The following STARD3 variants were observed in gnomAD, a reference collection of about 807,000 sequenced individuals.
The protein encoded by STARD3 is StAR related lipid transfer domain containing 3.
Under a neutral mutation model 62.0 loss-of-function variants are expected in STARD3, and 39 were observed. The ratio of observed to expected loss-of-function variants is 0.63; its 90% CI spans 0.49 to 0.82. The LOEUF is 0.82. Ranked by LOEUF, STARD3 falls within the 40% of genes least tolerant of loss-of-function variation. The probability of loss-of-function intolerance (pLI) is 0.00; values close to 1 mark genes in which losing one functional copy is unlikely to be tolerated. For missense variants in STARD3, 543 were observed against 584.5 expected, an observed-to-expected ratio of 0.93 and a Z score of 0.73; for synonymous variants, 229 against 242.4, an observed-to-expected ratio of 0.94 and a Z score of 0.51.
Position 39,660,694 on chromosome 17 carries a change from G to T in STARD3, c.955-116G>T. On this transcript the variant is annotated intron_variant, in intron 11 of 14. Transcript: ENST00000336308. The surrounding 1 kb of genome is among the most constrained non-coding windows in gnomAD (Gnocchi z 4.8). ...GGAGGGCAGGAGGAGTGCTCATCAG[G>T]CGCTGCCCAGGGCCTGCCTGTGGCA... 1 of 1,383,290 alleles carries T rather than the reference G, an allele frequency of 7.2e-7. No individual in the cohort carries two copies. Among genetic ancestry groups the T allele is most frequent in the Non-Finnish European group, 1.0e-6 (1 of 996,732 alleles). 85.7% of individuals were successfully genotyped at this position (1,383,290 alleles called of 1,614,324 possible). A position where few individuals can be genotyped will look rare whatever the true frequency, so the allele number is the denominator to read the frequency against.
intron 14 of STARD3, 162 bp from the exon 15 acceptor site, chr17:39,662,642 G>A: frequency 1.4e-6 from 1 of 697,952 alleles, no homozygotes; most frequent in Non-Finnish European, 2.4e-6. Context: ...GCCAGGCCCA[G>A]CATGTTCTTC....
Position 39,659,457 on chromosome 17 carries a change from C to G in STARD3, c.703-4C>G. On this transcript the variant is annotated splice_region_variant and splice_polypyrimidine_tract_variant and intron_variant, in intron 8 of 14. Coordinates refer to ENST00000336308, the MANE Select transcript of STARD3 (RefSeq NM_006804.4). ...ACCCCTCCCTGCCTCCTGCTTCCGT[C>G]CAGGAGCGGGAGTACATCCGCCAGG... The G allele has an allele frequency of 6.2e-7, 1 of 1,613,948 alleles. No homozygotes were observed. The highest frequency in any genetic ancestry group is 8.5e-7 in the Non-Finnish European group (1 of 1,179,902).
At chr17:39,655,040 T>G (rs1054605249) in intron 2 of STARD3, among the ~76,000 whole-genome samples, 1 of 152,240 alleles carries the variant, frequency 6.6e-6, no homozygotes, top group Non-Finnish European at 1.5e-5. Context: ...GCTCAGGACC[T>G]TCTGCAGAGC....
chr17:39,651,888 G>A (rs2057081483), intron 1 of STARD3: 1 of 152,266 alleles, frequency 6.6e-6, no homozygotes, highest in African/African-American at 2.4e-5. Flanking sequence ...CTTTCAGTGG[G>A]ACCTTTCCTT....
chr17:39,660,746 T>TAGCA lies in STARD3; in HGVS notation c.955-64_955-63insAGCA, dbSNP rs2057187699. ...TAGCAGTTAGTAAAGGGGCCTGGGG[T>TAGCA]GTTCCCATCCCTGGGGTTTTCCTGG... On this transcript the variant is annotated intron_variant, in intron 11 of 14. Coordinates refer to ENST00000336308, the MANE Select transcript of STARD3 (RefSeq NM_006804.4). The surrounding 1 kb of genome is among the most constrained non-coding windows in gnomAD (Gnocchi z 4.8). The TAGCA allele has an allele frequency of 6.6e-7, 1 of 1,523,400 alleles. No individual in the cohort carries two copies. The highest frequency in any genetic ancestry group is 2.0e-5 in the Admixed American group (1 of 50,292). 94.4% of individuals were successfully genotyped at this position (1,523,400 alleles called of 1,614,324 possible). A position where few individuals can be genotyped will look rare whatever the true frequency, so the allele number is the denominator to read the frequency against.
Position 39,660,581 on chromosome 17 carries a change from A to C in STARD3, c.954+55A>C. The C allele has an allele frequency of 6.3e-7, 1 of 1,585,922 alleles. No individual in the cohort carries two copies. Among genetic ancestry groups the C allele is most frequent in the Non-Finnish European group, 8.7e-7 (1 of 1,155,470 alleles). ...ACAGATGGGGGCACAGCCACGCCTC[A>C]GTGGGATCACTGAAGCACTCAGCGC... is the stretch of plus-strand genomic sequence containing the variant. On this transcript the variant is annotated intron_variant, in intron 11 of 14. Coordinates refer to ENST00000336308, the MANE Select transcript of STARD3 (RefSeq NM_006804.4). This position sits in a 1 kb window ranked among gnomAD's most constrained non-coding sequence, Gnocchi z 4.8.
Position 39,660,181 on chromosome 17 carries a change from C to T in STARD3, c.796-30C>T, listed in dbSNP as rs556161731. ...CCAGCCCACCCCCTGCCTCCACTCT[C>T]CTCCCTGCCACCTTCTGTCCCTGCC... On this transcript the variant is annotated intron_variant, in intron 9 of 14. Transcript: ENST00000336308. This position sits in a 1 kb window ranked among gnomAD's most constrained non-coding sequence, Gnocchi z 4.8. 5.0e-6 allele frequency: 8 copies of T among 1,613,140 alleles called. No homozygotes were observed. The South Asian group carries it at 5.5e-5, about 11-fold the overall frequency.
chr17:39,655,189 G>A (rs1012437210), intron 2 of STARD3, among the ~76,000 whole-genome samples: 5 of 152,102 alleles, frequency 3.3e-5, no homozygotes, highest in African/African-American at 9.7e-5. Context: ...TTTTACTTTC[G>A]TTTTGTTTTG....
intron 3 of STARD3, 83 bp from the exon 4 acceptor site, chr17:39,657,692 G>A (rs2145014145): frequency 6.7e-7 from 1 of 1,482,644 alleles, no homozygotes; most frequent in South Asian, 1.1e-5. Context: ...GGAACGTGGG[G>A]GCAGGACCAG....
At chr17:39,642,400 C>T (rs1597787368) in intron 1 of STARD3, among the ~76,000 whole-genome samples, 4 of 152,290 alleles carry the variant, frequency 2.6e-5, no homozygotes, top group South Asian at 4.1e-4. Flanking sequence ...AAGACCCCCA[C>T]AGAGGGTGGA....
At chr17:39,659,424 C>G in intron 8 of STARD3, 37 bp from the exon 9 acceptor site, 2 of 1,596,582 alleles carry the variant, frequency 1.3e-6, no homozygotes, top group Non-Finnish European at 1.7e-6. Flanking sequence ...ACTGCAGGCC[C>G]CAGGCTGACC....
chr17:39,653,496 C>T lies in STARD3; in HGVS notation c.-36C>T, dbSNP rs545269654. On this transcript the variant is annotated 5_prime_UTR_variant, in exon 2 of 15. Coordinates refer to ENST00000336308, the MANE Select transcript of STARD3 (RefSeq NM_006804.4). ...TCGCCCCCAGCCCTGCTGCTGAGGC[C>T]GCGCCCTCCCCGCCCTGAGGTGGGG... The T allele has an allele frequency of 2.8e-5, 45 of 1,593,270 alleles. No individual in the cohort carries two copies. Among genetic ancestry groups the T allele is most frequent in the Middle Eastern group, 1.9e-4 (1 of 5,318 alleles).
intron 1 of STARD3, among the ~76,000 whole-genome samples, chr17:39,646,009 A>G (rs1358596122): frequency 1.4e-5 from 2 of 144,002 alleles, no homozygotes; most frequent in Non-Finnish European, 3.0e-5. Context: ...CTCCCACCTC[A>G]GCCTCCCAAG....
rs776334124 is a variant in STARD3 at position 39,660,117 on chromosome 17, G to A, written c.796-94G>A. The A allele has an allele frequency of 1.5e-6, 2 of 1,341,478 alleles. No homozygotes were observed. The highest frequency in any genetic ancestry group is 3.4e-5 in the Admixed American group (2 of 59,410). The allele number at this position is 1,341,478 out of a possible 1,614,324, so 83.1% of individuals were successfully genotyped here. On this transcript the variant is annotated intron_variant, in intron 9 of 14. Coordinates refer to ENST00000336308, the MANE Select transcript of STARD3 (RefSeq NM_006804.4). This position sits in a 1 kb window ranked among gnomAD's most constrained non-coding sequence, Gnocchi z 4.8. ...CTCCTGGAGTTTTCCACCCTGAGCTGTTAAAAACCTGCCCTGCCTGTCACC... is the reference window on the plus strand; with the variant it reads ...CTCCTGGAGTTTTCCACCCTGAGCTATTAAAAACCTGCCCTGCCTGTCACC...
intron 1 of STARD3, among the ~76,000 whole-genome samples, chr17:39,650,332 C>T (rs114088042): frequency 0.015 from 2,274 of 152,252 alleles, 67 homozygotes; most frequent in African/African-American, 0.052. Flanking sequence ...CCAGATTGCT[C>T]GCACACCGTC....
intron 1 of STARD3, among the ~76,000 whole-genome samples, chr17:39,640,188 C>A (rs1380272404): frequency 6.6e-6 from 1 of 152,196 alleles, no homozygotes; most frequent in East Asian, 1.9e-4. Context: ...GATAAAAAAT[C>A]CGGCACATCT....
chr17:39,639,420 G>A (rs1449324179), intron 1 of STARD3, among the ~76,000 whole-genome samples: 8 of 152,214 alleles, frequency 5.3e-5, no homozygotes, highest in Admixed American at 2.0e-4. Context: ...GGGAACTAGA[G>A]GGAGAAAAAG....
At chr17:39,661,111 C>T in intron 13 of STARD3, 26 bp downstream of exon 13, 1 of 1,600,890 alleles carries the variant, frequency 6.2e-7, no homozygotes, top group Middle Eastern at 1.8e-4. Context: ...CCTGGGGTCA[C>T]CCCTGCCAGC....
chr17:39,660,153 C>T lies in STARD3; in HGVS notation c.796-58C>T. 1 of 1,589,466 alleles carries T rather than the reference C, an allele frequency of 6.3e-7. No homozygotes were observed. On this transcript the variant is annotated intron_variant, in intron 9 of 14. Transcript: ENST00000336308. The surrounding 1 kb of genome is among the most constrained non-coding windows in gnomAD (Gnocchi z 4.8). The stretch of plus-strand genomic sequence containing the variant: ...GCCCTGCCTGTCACCCATTTCTGTG[C>T]CACCAGCCCACCCCCTGCCTCCACT...
Sources: gnomAD v4.1 joint callset for allele counts (sites outside exome capture counted in the v4.1 genomes callset) on GRCh38, gnomAD v4.1.1 for gene constraint, Gnocchi (gnomAD v3.1) non-coding constraint, MANE v1.5 for transcripts, NCBI Gene and HGNC (gene_info 2026-07-23, HGNC 2026-07-21) for gene names.